The following MTMR12 variants were observed in gnomAD, a reference collection of about 807,000 sequenced individuals.
The protein encoded by MTMR12 is myotubularin related protein 12.
In MTMR12, 33 loss-of-function variants were observed where a neutral mutation model predicts 96.7. That is an observed-to-expected ratio of 0.34 (90% CI 0.26 to 0.46). The LOEUF is 0.46. MTMR12 is among the 20% of genes least tolerant of loss of function. MTMR12 has a pLI of 1.00. For missense variants in MTMR12, 721 were observed against 896.1 expected, an observed-to-expected ratio of 0.80 and a Z score of 2.49; for synonymous variants, 298 against 327.2, an observed-to-expected ratio of 0.91 and a Z score of 0.96.
At chr5:32,261,723 C>G (rs1000215001) in intron 7 of MTMR12, among the ~76,000 whole-genome samples, 1 of 152,162 alleles carries the variant, frequency 6.6e-6, no homozygotes, top group Admixed American at 6.6e-5. Context: ...CACTGCCAAG[C>G]AAATGGAAGG....
intron 12 of MTMR12, among the ~76,000 whole-genome samples, chr5:32,240,334 G>A (rs916632386): frequency 6.6e-6 from 1 of 151,380 alleles, no homozygotes; most frequent in African/African-American, 2.4e-5. Context: ...GGGAGACAGA[G>A]GTTGCCGTGA....
chr5:32,270,924 G>A lies in MTMR12; in HGVS notation c.382C>T (p.Leu128Phe). The change falls in exon 5 of 16, where the codon CTC becomes TTC. Residue 128 changes from leucine to phenylalanine, a missense_variant. Physicochemically the swap from Leu to Phe is conservative, Grantham distance 22. Transcript: ENST00000382142. ...YGVFDEKKKT[L>F]FGQLKKYPEK... ...GGGTATTTCTTCAGTTGTCCAAAGAGAGTTTTCTTTTTCTCATCAAACACT... is the reference window on the plus strand; with the variant it reads ...GGGTATTTCTTCAGTTGTCCAAAGAAAGTTTTCTTTTTCTCATCAAACACT... 6.2e-7 allele frequency: 1 copy of A among 1,613,652 alleles called. No homozygotes were observed. The highest frequency in any genetic ancestry group is 1.3e-5 in the African/African-American group (1 of 75,022).
chr5:32,278,672 G>T (rs1015205719), intron 1 of MTMR12, among the ~76,000 whole-genome samples: 1 of 152,152 alleles, frequency 6.6e-6, no homozygotes, highest in African/African-American at 2.4e-5. Flanking sequence ...AGGGATGCAG[G>T]CTGGCTCTCT....
intron 6 of MTMR12, among the ~76,000 whole-genome samples, chr5:32,266,431 T>C (rs1352482639): frequency 1.3e-5 from 2 of 152,210 alleles, no homozygotes; most frequent in African/African-American, 4.8e-5. Flanking sequence ...CTCATGCCTG[T>C]AATCCCAGCA....
At chr5:32,288,594 A>G (rs1288475694) in intron 1 of MTMR12, among the ~76,000 whole-genome samples, 17 of 152,216 alleles carry the variant, frequency 1.1e-4, no homozygotes, top group Non-Finnish European at 1.5e-5. Flanking sequence ...GAGAATAGGC[A>G]TGGGAATGGA....
intron 1 of MTMR12, among the ~76,000 whole-genome samples, chr5:32,300,923 A>C (rs2112154865): frequency 6.6e-6 from 1 of 152,174 alleles, no homozygotes; most frequent in Admixed American, 6.5e-5. Context: ...AAAAATACAA[A>C]AATTAGCCGG....
intron 1 of MTMR12, among the ~76,000 whole-genome samples, chr5:32,278,734 A>G (rs970229442): frequency 6.6e-6 from 1 of 152,154 alleles, no homozygotes; most frequent in African/African-American, 2.4e-5. Flanking sequence ...CTGGGGCTTA[A>G]GCAAGAGGAA....
At chr5:32,282,780 G>A (rs535076573) in intron 1 of MTMR12, among the ~76,000 whole-genome samples, 3 of 152,218 alleles carry the variant, frequency 2.0e-5, no homozygotes, top group African/African-American at 7.2e-5. Context: ...TGGGTGGGTA[G>A]GAAGGACGGA....
intron 1 of MTMR12, among the ~76,000 whole-genome samples, chr5:32,282,200 G>A (rs1750324921): frequency 6.6e-6 from 1 of 151,670 alleles, no homozygotes; most frequent in African/African-American, 2.4e-5. Context: ...GGCTAACATG[G>A]TGAAACCCCG....
chr5:32,242,042 C>T lies in MTMR12; in HGVS notation c.1171+15G>A, dbSNP rs777816312. ...AGGAAAATGGAAATCATCCTTTGTGCTTCCTATATATTACCTAAAAGAAGA... is the reference window on the plus strand; with the variant it reads ...AGGAAAATGGAAATCATCCTTTGTGTTTCCTATATATTACCTAAAAGAAGA... On this transcript the variant is annotated intron_variant, in intron 12 of 15. Transcript: ENST00000382142. 2.5e-6 allele frequency: 4 copies of T among 1,590,684 alleles called. No homozygotes were observed. Among genetic ancestry groups the T allele is most frequent in the Non-Finnish European group, 3.4e-6 (4 of 1,161,362 alleles).
At chr5:32,293,011 T>C (rs1750792254) in intron 1 of MTMR12, among the ~76,000 whole-genome samples, 1 of 152,254 alleles carries the variant, frequency 6.6e-6, no homozygotes, top group Admixed American at 6.5e-5. Flanking sequence ...TTGTTAACTT[T>C]ATGTAATGGT....
chr5:32,286,600 T>G (rs1750548561), intron 1 of MTMR12, among the ~76,000 whole-genome samples: 2 of 152,200 alleles, frequency 1.3e-5, no homozygotes, highest in Admixed American at 1.3e-4. Flanking sequence ...ATGAGTGCTG[T>G]AAGTACCAGA....
rs1351768204 is a variant in MTMR12, at chr5:32,228,581, ATATATATGTGATATATATATATATAT to A, written c.*1171_*1196del. On this transcript the variant is annotated 3_prime_UTR_variant, in exon 16 of 16. Transcript: ENST00000382142. ...GATATATATATATCATATATATATCATATATATGTGATATATATATATATATCATATATATGATATATATATATCAC... is the reference window on the plus strand; with the variant it reads ...GATATATATATATCATATATATATCACATATATATGATATATATATATCAC... 7.4e-5 allele frequency: 9 copies of A among 121,872 alleles called. No individual in the cohort carries two copies. The highest frequency in any genetic ancestry group is 2.0e-4 in the African/African-American group (6 of 29,922). 7.5% of individuals were successfully genotyped at this position (121,872 alleles called of 1,614,324 possible).
rs1245724351 is a variant in MTMR12 at position 32,248,871 on chromosome 5, C to T, written c.797G>A (p.Cys266Tyr). Reference protein sequence around the residue: ...RFQGHGIPIWCWSCHNGSALL... With the variant: ...RFQGHGIPIWYWSCHNGSALL... ...GGCACTTCCATTGTGGCAGGACCAA[C>T]ACCATATCTGTAGAAACAAATAAAG... The change falls in exon 9 of 16, where the codon TGT becomes TAT. Residue 266 changes from cysteine (C) to tyrosine (Y), a missense_variant. By Grantham distance (194) the Cys-to-Tyr change is radical. Transcript: ENST00000382142. 6.2e-7 allele frequency: 1 copy of T among 1,613,152 alleles called. No individual in the cohort carries two copies. Among genetic ancestry groups the T allele is most frequent in the Non-Finnish European group, 8.5e-7 (1 of 1,179,088 alleles).
Position 32,246,776 on chromosome 5 carries a change from A to G in MTMR12, c.1021+1226T>C, listed in dbSNP as rs114582251. On this transcript the variant is annotated intron_variant, in intron 10 of 15. Coordinates refer to ENST00000382142, the MANE Select transcript of MTMR12 (RefSeq NM_001040446.3). ...CCACCCAAGCTTCACCATAAATTCA[A>G]TATTTGTTTTTGCTTCAATTTCAGC... Among the ~76,000 whole-genome samples the G allele has an allele frequency of 7.4e-3, 1,126 of 152,222 alleles. 18 individuals are homozygous for G. Among genetic ancestry groups the G allele is most frequent in the African/African-American group, 0.026 (1,059 of 41,504 alleles).
chr5:32,238,097 C>A (rs1261604854), intron 13 of MTMR12, among the ~76,000 whole-genome samples: 1 of 136,522 alleles, frequency 7.3e-6, no homozygotes, highest in Admixed American at 8.0e-5. Context: ...TGAGCTGAGA[C>A]TGCACCACTG....
intron 11 of MTMR12, among the ~76,000 whole-genome samples, chr5:32,243,278 C>T (rs552681304): frequency 4.6e-5 from 7 of 152,328 alleles, no homozygotes; most frequent in African/African-American, 1.7e-4. Flanking sequence ...TTGTCACACT[C>T]TTTCTGTGTT....
Position 32,260,999 on chromosome 5 carries a change from G to A in MTMR12, c.713+2114C>T, listed in dbSNP as rs193291654. On this transcript the variant is annotated intron_variant, in intron 7 of 15. Transcript: ENST00000382142. ...TGTAATCCCAGCACTTTGGGAGGCT[G>A]AGGCAGGCAGATCACTTGAGGTCAG... Among the ~76,000 whole-genome samples the A allele has an allele frequency of 1.8e-3, 278 of 151,730 alleles. 2 individuals are homozygous for A. The highest frequency in any genetic ancestry group is 6.5e-3 in the African/African-American group (267 of 41,382).
chr5:32,306,540 A>T (rs529308122), intron 1 of MTMR12, among the ~76,000 whole-genome samples: 1 of 152,290 alleles, frequency 6.6e-6, no homozygotes, highest in African/African-American at 2.4e-5. Context: ...ATGAAAAAAT[A>T]AAAAAATAGC....
Sources: allele counts gnomAD v4.1 joint callset (sites outside exome capture counted in the v4.1 genomes callset), GRCh38; gene constraint gnomAD v4.1.1; transcripts MANE v1.5; gene names NCBI Gene and HGNC (gene_info 2026-07-23, HGNC 2026-07-21).